COL18A1: variants seen among roughly 807,000 people sequenced by gnomAD.
COL18A1 encodes the protein collagen alpha-1(XVIII) chain.
In COL18A1, 133 loss-of-function variants were observed where a neutral mutation model predicts 168.0. The observed-to-expected ratio is 0.79, with a 90% CI of 0.69 to 0.91. The LOEUF is 0.91. COL18A1 is among the 40% of genes least tolerant of loss of function. COL18A1 has a pLI of 0.00. For missense variants in COL18A1, 2,126 were observed against 1,925.4 expected (o/e 1.10, Z -1.95); for synonymous variants, 949 against 809.0 (o/e 1.17, Z -2.94).
intron 24 of COL18A1, 27 bp downstream of exon 24, chr21:45,492,740 T>C (rs974617181): frequency 2.8e-6 from 3 of 1,067,962 alleles, no homozygotes; most frequent in Non-Finnish European, 3.9e-6. Flanking sequence ...CAGAGCTGCA[T>C]GCTGCCCGGC....
intron 2 of COL18A1, chr21:45,407,966 G>C (rs1462773773): frequency 6.6e-6 from 1 of 152,294 alleles, no homozygotes; most frequent in Non-Finnish European, 1.5e-5. Context: ...TAGGTAACGA[G>C]AGACCCTCCC....
At chr21:45,476,035 C>T (rs1366707698) in intron 5 of COL18A1, among the ~76,000 whole-genome samples, 3 of 152,174 alleles carry the variant, frequency 2.0e-5, no homozygotes, top group Non-Finnish European at 4.4e-5. Context: ...GAGACGGGTG[C>T]GGGAACGTGT....
At chr21:45,504,653 C>A in intron 34 of COL18A1, 97 bp downstream of exon 34, 2 of 1,082,962 alleles carry the variant, frequency 1.8e-6, no homozygotes, top group Non-Finnish European at 2.7e-6. Flanking sequence ...CCGCGAAGGC[C>A]GGAGCTGCCC....
At chr21:45,478,098 A>C in intron 8 of COL18A1, 133 bp downstream of exon 8, 1 of 742,470 alleles carries the variant, frequency 1.3e-6, no homozygotes, top group East Asian at 2.7e-5. Context: ...CCTTAGGCCC[A>C]CCGTTGCTCG....
chr21:45,469,224 C>T (rs1036500590), intron 3 of COL18A1, among the ~76,000 whole-genome samples: 4 of 152,356 alleles, frequency 2.6e-5, no homozygotes. Context: ...TCTGACCGGC[C>T]GGTCGGGTAA....
chr21:45,497,076 G>A lies in COL18A1; in HGVS notation c.2604G>A (p.Gly868=). 1.3e-6 allele frequency: 2 copies of A among 1,599,528 alleles called. No homozygotes were observed. Among genetic ancestry groups the A allele is most frequent in the Non-Finnish European group, 8.5e-7 (1 of 1,173,750 alleles). ...SNVFAESSRP[G]PPGLPGNQGP... is the part of the protein sequence containing the mutation. ...TGTTTGCTGAGTCCAGCCGCCCCGGGCCTCCAGGATTGCCAGGTGAGGGTC... is the reference window on the plus strand; with the variant it reads ...TGTTTGCTGAGTCCAGCCGCCCCGGACCTCCAGGATTGCCAGGTGAGGGTC... The change falls in exon 31 of 42, where the codon GGG becomes GGA. Residue 868 remains glycine (G), a synonymous_variant. Coordinates refer to ENST00000651438, the MANE Select transcript of COL18A1 (RefSeq NM_001379500.1).
rs1028994682 is a variant in COL18A1 at position 45,512,189 on chromosome 21, C to T, written c.3811C>T (p.Pro1271Ser). Residue 1271 changes from proline (P) to serine (S), a missense_variant and splice_region_variant, in exon 42 of 42, where the codon CCC (proline) becomes TCC (serine). Physicochemically the swap from Pro to Ser is moderately conservative, Grantham distance 74. Coordinates refer to ENST00000651438, the MANE Select transcript of COL18A1 (RefSeq NM_001379500.1). ...GKDVLRHPTW[P>S]QKSVWHGSDP... ...CTGACGGCCCGGCGCGTCTTACAGG[C>T]CCCAGAAGAGCGTGTGGCATGGCTC... is the stretch of plus-strand genomic sequence containing the variant. 7.4e-6 allele frequency: 12 copies of T among 1,611,808 alleles called. No individual in the cohort carries two copies. The highest frequency in any genetic ancestry group is 1.1e-5 in the South Asian group (1 of 90,830).
At chr21:45,441,386 G>A (rs1035353756) in intron 2 of COL18A1, among the ~76,000 whole-genome samples, 2 of 152,178 alleles carry the variant, frequency 1.3e-5, no homozygotes, top group Admixed American at 6.5e-5. Flanking sequence ...AGATGCCCAG[G>A]TAGAGTTTTC....
chr21:45,438,774 C>T (rs1462534245), intron 2 of COL18A1, among the ~76,000 whole-genome samples: 1 of 152,260 alleles, frequency 6.6e-6, no homozygotes, highest in South Asian at 2.1e-4. Flanking sequence ...CTAATCCTTG[C>T]AGGCAGAGTG....
intron 2 of COL18A1, chr21:45,421,643 G>A (rs2033627746): frequency 1.9e-6 from 1 of 514,360 alleles, no homozygotes; most frequent in South Asian, 1.4e-5. Flanking sequence ...AGCGGGTCAG[G>A]TGGCTGGCAG....
intron 2 of COL18A1, among the ~76,000 whole-genome samples, chr21:45,461,613 G>A (rs1568886698): frequency 6.6e-6 from 1 of 151,712 alleles, no homozygotes; most frequent in Non-Finnish European, 1.5e-5. Flanking sequence ...TTCCTTGCTA[G>A]CCACATCTGT....
chr21:45,492,354 C>T (rs1166180564), intron 22 of COL18A1, among the ~76,000 whole-genome samples, 181 bp from the exon 23 acceptor site: 2 of 152,226 alleles, frequency 1.3e-5, no homozygotes, highest in Non-Finnish European at 2.9e-5. Flanking sequence ...CTGCATCCAG[C>T]TGCTCTGAGC....
intron 2 of COL18A1, among the ~76,000 whole-genome samples, chr21:45,460,635 T>C (rs76919125): frequency 0.028 from 4,290 of 152,338 alleles, 215 homozygotes; most frequent in African/African-American, 0.097. Context: ...AAATGCAGAA[T>C]TTGAGAAAAT....
chr21:45,493,041 G>A, intron 24 of COL18A1, 122 bp from the exon 25 acceptor site: 2 of 1,038,140 alleles, frequency 1.9e-6, no homozygotes, highest in Non-Finnish European at 2.9e-6. Flanking sequence ...GCCGCGAGGG[G>A]CCCTGGTCGG....
Position 45,510,374 on chromosome 21 carries a change from A to G in COL18A1, c.3693+113A>G, listed in dbSNP as rs572042125. Reference sequence around the variant, plus strand: ...GCCTCTGGAGGCCACCATGTTACAGACACTGGCGCCTAGGCTGGCGACTTC... The same window carrying G: ...GCCTCTGGAGGCCACCATGTTACAGGCACTGGCGCCTAGGCTGGCGACTTC... On this transcript the variant is annotated intron_variant, in intron 40 of 41. Transcript: ENST00000651438. 174 of 1,236,046 alleles carry G rather than the reference A, an allele frequency of 1.4e-4. No individual in the cohort carries two copies. The East Asian group carries it at 3.8e-3, about 27-fold the overall frequency. The allele number at this position is 1,236,046 out of a possible 1,614,324, so 76.6% of individuals were successfully genotyped here. A position where few individuals can be genotyped will look rare whatever the true frequency, so the allele number is the denominator to read the frequency against.
chr21:45,446,623 G>T (rs2034510849), intron 2 of COL18A1, among the ~76,000 whole-genome samples: 1 of 152,230 alleles, frequency 6.6e-6, no homozygotes, highest in Non-Finnish European at 1.5e-5. Flanking sequence ...AAGACTAGGA[G>T]AGTGGGAAAT....
At chr21:45,500,185 G>GGA (rs2036697523) in intron 32 of COL18A1, among the ~76,000 whole-genome samples, 1 of 136,014 alleles carries the variant, frequency 7.4e-6, no homozygotes, top group African/African-American at 2.8e-5. Context: ...TGTATAGTGT[G>GGA]GGTGTGTGTG....
Position 45,453,178 on chromosome 21 carries a change from A to G in COL18A1, c.107-15064A>G, listed in dbSNP as rs571225998. ...ATGTGTGAGCATGTATGTGTGTGTG[A>G]TTGTGTATGCATGTATTCATGTGTG... On this transcript the variant is annotated intron_variant, in intron 2 of 41. Transcript: ENST00000651438. 1.7e-3 allele frequency among the ~76,000 whole-genome samples: 244 copies of G among 140,686 alleles called. 1 individual carries two copies. The highest frequency in any genetic ancestry group is 6.3e-3 in the African/African-American group (233 of 37,088). The allele number at this position is 140,686 out of a possible 152,430, so 92.3% of individuals were successfully genotyped here.
At chr21:45,494,631 G>T (rs1215645835) in intron 27 of COL18A1, 60 bp downstream of exon 27, 2 of 1,608,466 alleles carry the variant, frequency 1.2e-6, no homozygotes, top group Non-Finnish European at 1.7e-6. Context: ...CCAAGGACAC[G>T]GTCGCCCGCG....
Sources: gnomAD v4.1 joint callset for allele counts (sites outside exome capture counted in the v4.1 genomes callset) on GRCh38, gnomAD v4.1.1 for gene constraint, MANE v1.5 for transcripts, NCBI Gene and HGNC (gene_info 2026-07-23, HGNC 2026-07-21) for gene names.